The following FCRL4 variants were observed in gnomAD, a reference collection of about 807,000 sequenced individuals.
The protein encoded by FCRL4 is Fc receptor-like protein 4.
FCRL4 carries 43 observed loss-of-function variants against 64.1 expected under a neutral mutation model. That is an observed-to-expected ratio of 0.67 (90% CI 0.53 to 0.87). The LOEUF is 0.87. Ranked by LOEUF, FCRL4 falls within the 40% of genes least tolerant of loss-of-function variation. The pLI, the probability that FCRL4 is intolerant of heterozygous loss-of-function variation, is 0.00. For synonymous variants in FCRL4, 253 were observed against 239.8 expected (o/e 1.05, Z -0.51); for missense variants, 656 against 613.5 (o/e 1.07, Z -0.73).
intron 2 of FCRL4, among the ~76,000 whole-genome samples, chr1:157,592,700 T>C (rs145584930): frequency 6.6e-6 from 1 of 152,154 alleles, no homozygotes; most frequent in African/African-American, 2.4e-5. Flanking sequence ...GATCTAGAAC[T>C]AGAAATACCA....
chr1:157,597,913 C>G lies in FCRL4; in HGVS notation c.31+1G>C, dbSNP rs749460432. The G allele has an allele frequency of 6.2e-6, 10 of 1,613,090 alleles. No individual in the cohort carries two copies. Among genetic ancestry groups the G allele is most frequent in the Admixed American group, 3.3e-5 (2 of 59,948 alleles). ...GCAAAGGTCTCCTCCCCATCACTTACCAAAGGCCAGCAAGGACGCCCACAG... is the reference window on the plus strand; with the variant it reads ...GCAAAGGTCTCCTCCCCATCACTTAGCAAAGGCCAGCAAGGACGCCCACAG... On this transcript the variant is annotated splice_donor_variant, in intron 1 of 11. Coordinates refer to ENST00000271532, the MANE Select transcript of FCRL4 (RefSeq NM_031282.3). LOFTEE classifies it high-confidence loss of function.
At chr1:157,587,832 A>T (rs769092785) in intron 4 of FCRL4, 33 bp downstream of exon 4, 37 of 1,576,690 alleles carry the variant, frequency 2.3e-5, no homozygotes, top group Non-Finnish European at 3.2e-5. Context: ...CCCTGTCATT[A>T]CTAAGCAAAT....
rs1194022314 is a variant in FCRL4 at position 157,597,790 on chromosome 1, T to A, written c.31+124A>T. 3 of 649,112 alleles carry A rather than the reference T, an allele frequency of 4.6e-6. No individual in the cohort carries two copies. The African/African-American group carries it at 5.5e-5, about 12-fold the overall frequency. The allele number at this position is 649,112 out of a possible 1,614,324, so 40.2% of individuals were successfully genotyped here. On this transcript the variant is annotated intron_variant, in intron 1 of 11. Coordinates refer to ENST00000271532, the MANE Select transcript of FCRL4 (RefSeq NM_031282.3). ...CCAGTAAATCATTATCTTTCCTTTTTGTTCATTTTCTGCTGTTCTAAAATG... is the reference window on the plus strand; with the variant it reads ...CCAGTAAATCATTATCTTTCCTTTTAGTTCATTTTCTGCTGTTCTAAAATG...
At chr1:157,578,943 G>T in intron 8 of FCRL4, 91 bp from the exon 9 acceptor site, 1 of 1,081,162 alleles carries the variant, frequency 9.2e-7, no homozygotes, top group Non-Finnish European at 1.3e-6. Context: ...GGAGAAAGAG[G>T]ATTTGGAGAA....
chr1:157,586,840 C>T (rs559397210), intron 5 of FCRL4, among the ~76,000 whole-genome samples: 1 of 152,236 alleles, frequency 6.6e-6, no homozygotes. Flanking sequence ...TTGGGCCTAT[C>T]TATCTATCTA....
At chr1:157,577,047 A>T (rs888822960) in intron 10 of FCRL4, among the ~76,000 whole-genome samples, 1 of 152,164 alleles carries the variant, frequency 6.6e-6, no homozygotes, top group Non-Finnish European at 1.5e-5. Context: ...TGTTTCCTTG[A>T]CTCTAAGAAC....
intron 11 of FCRL4, 43 bp downstream of exon 11, chr1:157,575,656 G>T: frequency 6.2e-7 from 1 of 1,611,512 alleles, no homozygotes; most frequent in South Asian, 1.1e-5. Context: ...GTGTGAGGCT[G>T]CAGGTAATGG....
intron 2 of FCRL4, among the ~76,000 whole-genome samples, chr1:157,591,382 C>T (rs1026362170): frequency 1.3e-5 from 2 of 152,012 alleles, no homozygotes; most frequent in Admixed American, 1.3e-4. Flanking sequence ...TTTCTTTAAA[C>T]CTAACATAGA....
At chr1:157,588,685 T>C (rs1044186946) in intron 3 of FCRL4, among the ~76,000 whole-genome samples, 2 of 152,196 alleles carry the variant, frequency 1.3e-5, no homozygotes, top group African/African-American at 4.8e-5. Context: ...CTGTAGTCCG[T>C]GCCCTTGGAA....
intron 2 of FCRL4, among the ~76,000 whole-genome samples, chr1:157,592,811 C>T (rs576856720): frequency 5.3e-5 from 8 of 152,240 alleles, no homozygotes; most frequent in South Asian, 4.2e-4. Flanking sequence ...GCACTGTTCA[C>T]GATAGCAAAG....
rs1389317188 is a variant in FCRL4, at chr1:157,592,446, A to G, written c.53-2988T>C. 2.0e-5 allele frequency among the ~76,000 whole-genome samples: 3 copies of G among 152,270 alleles called. No homozygotes were observed. In the East Asian group the frequency reaches 5.8e-4, roughly 29 times the overall value. ...CAAAGGATATGAACAGACACGTCTC[A>G]AAAGAAGACATTTATGTAGCCAACA... On this transcript the variant is annotated intron_variant, in intron 2 of 11. Coordinates refer to ENST00000271532, the MANE Select transcript of FCRL4 (RefSeq NM_031282.3).
intron 7 of FCRL4, among the ~76,000 whole-genome samples, chr1:157,581,086 G>A (rs1192575548): frequency 6.9e-6 from 1 of 144,804 alleles, no homozygotes; most frequent in African/African-American, 2.4e-5. Flanking sequence ...ACCCAGAAAA[G>A]CCCCTGAGGG....
intron 8 of FCRL4, among the ~76,000 whole-genome samples, 193 bp downstream of exon 8, chr1:157,580,128 A>G (rs996851032): frequency 6.6e-6 from 1 of 152,366 alleles, no homozygotes; most frequent in African/African-American, 2.4e-5. Context: ...ATTATTTTGC[A>G]TGTATTGCAA....
chr1:157,575,570 G>C lies in FCRL4; in HGVS notation c.1502C>G (p.Pro501Arg). The change falls in exon 12 of 12, where the codon CCA becomes CGA. Residue 501 changes from proline to arginine, a missense_variant. Coordinates refer to ENST00000271532, the MANE Select transcript of FCRL4 (RefSeq NM_031282.3). ...GCTGATCTTTCCAGCTGAGTTATCTGGGTGTTGTGTCTTTACCTCAGAGTA... is the reference window on the plus strand; with the variant it reads ...GCTGATCTTTCCAGCTGAGTTATCTCGGTGTTGTGTCTTTACCTCAGAGTA... Reference protein sequence around the residue: ...VVYSEVKTQHPDNSAGKISSK... With the variant: ...VVYSEVKTQHRDNSAGKISSK... 4 of 1,613,888 alleles carry C rather than the reference G, an allele frequency of 2.5e-6. No individual in the cohort carries two copies. Among genetic ancestry groups the C allele is most frequent in the Non-Finnish European group, 3.4e-6 (4 of 1,179,858 alleles).
rs886358403 is a variant in FCRL4 at position 157,597,821 on chromosome 1, A to G, written c.31+93T>C. On this transcript the variant is annotated intron_variant, in intron 1 of 11. Coordinates refer to ENST00000271532, the MANE Select transcript of FCRL4 (RefSeq NM_031282.3). ...TTTTCTGCTGTTCTAAAATGGGAGT[A>G]AAAATCCATGATTGCAGCAGCAGAA... The G allele has an allele frequency of 1.0e-5, 10 of 979,286 alleles. No homozygotes were observed. In the African/African-American group the frequency reaches 1.1e-4, roughly 11 times the overall value. 60.7% of individuals were successfully genotyped at this position (979,286 alleles called of 1,614,324 possible). A position where few individuals can be genotyped will look rare whatever the true frequency, so the allele number is the denominator to read the frequency against.
At chr1:157,581,160 C>T (rs2779160) in intron 7 of FCRL4, among the ~76,000 whole-genome samples, 68,036 of 152,136 alleles carry the variant, frequency 0.45, 17,701 homozygotes, top group African/African-American at 0.73. Context: ...TTAGTTCATT[C>T]TGAATCTCCA....
chr1:157,585,344 C>CTTTCTTTCCTTCCT (rs72007539), intron 6 of FCRL4, among the ~76,000 whole-genome samples: 10 of 81,316 alleles, frequency 1.2e-4, no homozygotes, highest in African/African-American at 4.4e-4. Context: ...CTTTCTCTCT[C>CTTTCTTTCCTTCCT]TCTTTCTTTC....
intron 6 of FCRL4, 83 bp from the exon 7 acceptor site, chr1:157,581,727 A>T: frequency 1.9e-6 from 2 of 1,062,424 alleles, no homozygotes; most frequent in East Asian, 5.2e-5. Context: ...TTGGGTAACG[A>T]GCCCTGGAAG....
In FCRL4 at chr1:157,588,058, G is replaced by A. The variant is rs1377515971; in HGVS notation, c.369C>T (p.Cys123=). The A allele has an allele frequency of 6.2e-7, 1 of 1,613,396 alleles. No individual in the cohort carries two copies. The highest frequency in any genetic ancestry group is 8.5e-7 in the Non-Finnish European group (1 of 1,179,646). The part of the protein sequence containing the change: ...VFEGDTLVLR[C]HRRRKEKLTA... ...TCAATTTCTCTTTCCTTCTTCTGTG[G>A]CATCTCAGAACCAATGTGTCACCTT... Residue 123 remains cysteine, a synonymous_variant, in exon 4 of 12, where the codon TGC becomes TGT. Coordinates refer to ENST00000271532, the MANE Select transcript of FCRL4 (RefSeq NM_031282.3).
Sources: gnomAD v4.1 joint callset for allele counts (sites outside exome capture counted in the v4.1 genomes callset) on GRCh38, gnomAD v4.1.1 for gene constraint, MANE v1.5 for transcripts, NCBI Gene and HGNC (gene_info 2026-07-23, HGNC 2026-07-21) for gene names.